Variants in CACNB2 observed in about 807,000 individuals in gnomAD.
CACNB2 encodes the protein voltage-dependent L-type calcium channel subunit beta-2.
CACNB2 carries 42 observed loss-of-function variants against 73.3 expected under a neutral mutation model. That is an observed-to-expected ratio of 0.57 (90% CI 0.45 to 0.74). The LOEUF is 0.74. Ranked by LOEUF, CACNB2 falls within the 30% of genes least tolerant of loss-of-function variation. CACNB2 has a pLI of 0.00. For synonymous variants in CACNB2, 348 were observed against 310.3 expected (o/e 1.12, Z -1.28); for missense variants, 940 against 853.0 (o/e 1.10, Z -1.27).
intron 2 of CACNB2, among the ~76,000 whole-genome samples, chr10:18,330,434 C>G (rs990879708): frequency 4.0e-5 from 6 of 151,882 alleles, no homozygotes; most frequent in African/African-American, 1.5e-4. Flanking sequence ...GAGGAACACT[C>G]GAGCCTAGGA....
chr10:18,249,623 C>G (rs1437669172), intron 2 of CACNB2, among the ~76,000 whole-genome samples: 2 of 152,170 alleles, frequency 1.3e-5, no homozygotes, highest in Non-Finnish European at 2.9e-5. Flanking sequence ...AGTTCTCAGT[C>G]TTCATCTTAC....
chr10:18,223,109 G>GAC (rs375106673), intron 2 of CACNB2, among the ~76,000 whole-genome samples: 1 of 152,062 alleles, frequency 6.6e-6, no homozygotes, highest in Non-Finnish European at 1.5e-5. Context: ...TTATGGGCAT[G>GAC]ACACACACAC....
intron 3 of CACNB2, among the ~76,000 whole-genome samples, chr10:18,404,732 T>C (rs1009621873): frequency 6.6e-6 from 1 of 152,144 alleles, no homozygotes; most frequent in Non-Finnish European, 1.5e-5. Context: ...AATACCTCTG[T>C]GAAATAACGT....
intron 2 of CACNB2, among the ~76,000 whole-genome samples, chr10:18,156,417 A>C (rs1242129457): frequency 6.6e-6 from 1 of 152,244 alleles, no homozygotes; most frequent in Non-Finnish European, 1.5e-5. Context: ...GATATGTTAC[A>C]AGAGGATTGG....
At chr10:18,450,928 C>T (rs1460946481) in intron 3 of CACNB2, among the ~76,000 whole-genome samples, 1 of 152,182 alleles carries the variant, frequency 6.6e-6, no homozygotes, top group African/African-American at 2.4e-5. Flanking sequence ...TGAGCCACCA[C>T]GCCCAGCCCC....
At chr10:18,193,610 C>A (rs1443788504) in intron 2 of CACNB2, among the ~76,000 whole-genome samples, 9 of 152,142 alleles carry the variant, frequency 5.9e-5, no homozygotes, top group Non-Finnish European at 2.9e-5. Flanking sequence ...TCTGAGCTCC[C>A]CACTCTAGTG....
intron 2 of CACNB2, among the ~76,000 whole-genome samples, chr10:18,353,963 C>G (rs989879614): frequency 1.3e-5 from 2 of 152,168 alleles, no homozygotes; most frequent in Non-Finnish European, 2.9e-5. Flanking sequence ...TTTGAAAAAG[C>G]TTGGCACTCA....
At chr10:18,193,496 T>C (rs2131277700) in intron 2 of CACNB2, among the ~76,000 whole-genome samples, 1 of 152,310 alleles carries the variant, frequency 6.6e-6, no homozygotes, top group South Asian at 2.1e-4. Flanking sequence ...CACCTTATTA[T>C]GCTAGCTATT....
intron 2 of CACNB2, among the ~76,000 whole-genome samples, chr10:18,226,816 C>T (rs1222955801): frequency 1.3e-5 from 2 of 152,112 alleles, no homozygotes; most frequent in Non-Finnish European, 2.9e-5. Context: ...CAGAATACAG[C>T]CAGGATTTTA....
chr10:18,473,485 T>G (rs1470202601), intron 3 of CACNB2, among the ~76,000 whole-genome samples: 1 of 152,164 alleles, frequency 6.6e-6, no homozygotes, highest in Non-Finnish European at 1.5e-5. Flanking sequence ...CACATTTAAA[T>G]TCAGAATCAC....
At chr10:18,176,642 G>A (rs1450987786) in intron 2 of CACNB2, among the ~76,000 whole-genome samples, 1 of 150,224 alleles carries the variant, frequency 6.7e-6, no homozygotes, top group Non-Finnish European at 1.5e-5. Context: ...CTGTGAAGGT[G>A]GGTTGTAGCA....
At chr10:18,328,147 A>G (rs2040656531) in intron 2 of CACNB2, among the ~76,000 whole-genome samples, 1 of 152,228 alleles carries the variant, frequency 6.6e-6, no homozygotes, top group Non-Finnish European at 1.5e-5. Flanking sequence ...GAGCTGCCAG[A>G]ATTCAAGGGT....
chr10:18,430,950 T>C (rs537431031), intron 3 of CACNB2, among the ~76,000 whole-genome samples: 7 of 152,326 alleles, frequency 4.6e-5, no homozygotes, highest in African/African-American at 1.4e-4. Context: ...TATATTTCTA[T>C]TTGATGCCTC....
rs772842557 is a variant in CACNB2 at position 18,538,265 on chromosome 10, C to T, written c.1388C>T (p.Ala463Val). Residue 463 changes from alanine (A) to valine (V), a missense_variant, in exon 13 of 14, where the codon GCC becomes GTC. By Grantham distance (64) the Ala-to-Val change is moderately conservative (BLOSUM62 0). Coordinates refer to ENST00000324631, the MANE Select transcript of CACNB2 (RefSeq NM_201596.3). ...LADYLEAYWK[A>V]THPPSSSLPN... ...GACTATCTGGAGGCCTACTGGAAGGCCACCCATCCTCCCAGCAGTAGCCTC... is the reference window on the plus strand; with the variant it reads ...GACTATCTGGAGGCCTACTGGAAGGTCACCCATCCTCCCAGCAGTAGCCTC... 1.9e-6 allele frequency: 3 copies of T among 1,614,042 alleles called. No homozygotes were observed. In the East Asian group the frequency reaches 6.7e-5, roughly 36 times the overall value.
chr10:18,513,013 C>T (rs192270789), intron 6 of CACNB2: 246 of 189,118 alleles, frequency 1.3e-3, no homozygotes, highest in African/African-American at 5.6e-3. Flanking sequence ...ATCTGCTGAG[C>T]ATACTTCTCA....
chr10:18,535,686 T>C (rs2053499177), intron 11 of CACNB2, among the ~76,000 whole-genome samples: 1 of 151,878 alleles, frequency 6.6e-6, no homozygotes, highest in South Asian at 2.1e-4. Context: ...GGCAGGAGAA[T>C]GGTGTGAACC....
chr10:18,517,110 A>C (rs957932160), intron 7 of CACNB2, among the ~76,000 whole-genome samples: 1 of 152,214 alleles, frequency 6.6e-6, no homozygotes, highest in Non-Finnish European at 1.5e-5. Context: ...GGCAGATGCA[A>C]AAATGACATT....
chr10:18,381,423 G>T (rs1175878830), intron 2 of CACNB2, among the ~76,000 whole-genome samples: 1 of 152,118 alleles, frequency 6.6e-6, no homozygotes. Flanking sequence ...GGGCACCGTG[G>T]CTCATGCCTG....
chr10:18,508,318 C>T (rs2050596324), intron 6 of CACNB2, among the ~76,000 whole-genome samples: 1 of 151,842 alleles, frequency 6.6e-6, no homozygotes, highest in African/African-American at 2.4e-5. Context: ...AATGAAAGGC[C>T]CTGTAGGTAT....
Sources: gnomAD v4.1 joint callset for allele counts (sites outside exome capture counted in the v4.1 genomes callset) on GRCh38, gnomAD v4.1.1 for gene constraint, MANE v1.5 for transcripts, NCBI Gene and HGNC (gene_info 2026-07-23, HGNC 2026-07-21) for gene names.